The following TMEM132D variants were observed in gnomAD, a reference collection of about 807,000 sequenced individuals.
TMEM132D encodes transmembrane protein 132D, also known as mature OL transmembrane protein.
TMEM132D carries 21 observed loss-of-function variants against 62.3 expected under a neutral mutation model. The ratio of observed to expected loss-of-function variants is 0.34; its 90% CI spans 0.24 to 0.49. The LOEUF is 0.49. TMEM132D is among the 20% of genes least tolerant of loss of function. The pLI, the probability that TMEM132D is intolerant of heterozygous loss-of-function variation, is 0.99. For missense variants in TMEM132D, 1,346 were observed against 1,402.8 expected (o/e 0.96, Z 0.65); for synonymous variants, 621 against 575.6 (o/e 1.08, Z -1.13).
At chr12:129,622,228 A>T (rs1565926313) in intron 2 of TMEM132D, among the ~76,000 whole-genome samples, 1 of 151,974 alleles carries the variant, frequency 6.6e-6, no homozygotes, top group Non-Finnish European at 1.5e-5. Flanking sequence ...CACAAGCCCC[A>T]CTCGTCCACT....
At chr12:129,264,524 C>T (rs1355390752) in intron 4 of TMEM132D, among the ~76,000 whole-genome samples, 1 of 152,164 alleles carries the variant, frequency 6.6e-6, no homozygotes, top group Non-Finnish European at 1.5e-5. Context: ...CCTTAAAGAA[C>T]TAAAAGCAGA....
chr12:129,309,002 A>C (rs1342380559), intron 4 of TMEM132D, among the ~76,000 whole-genome samples: 1 of 152,218 alleles, frequency 6.6e-6, no homozygotes, highest in African/African-American at 2.4e-5. Flanking sequence ...GCAAAACGCC[A>C]AACACCCTTG....
intron 1 of TMEM132D, among the ~76,000 whole-genome samples, chr12:129,898,540 T>C (rs115168980): frequency 0.017 from 2,606 of 152,328 alleles, 81 homozygotes; most frequent in African/African-American, 0.058. Flanking sequence ...TGGGAGATTA[T>C]GTGGATCACT....
At chr12:129,278,488 T>C (rs543458659) in intron 4 of TMEM132D, among the ~76,000 whole-genome samples, 52 of 152,278 alleles carry the variant, frequency 3.4e-4, no homozygotes, top group Admixed American at 3.3e-3. Flanking sequence ...GGCTCCATCT[T>C]AACCCCCGTC....
At chr12:129,159,096 C>A (rs538989976) in intron 5 of TMEM132D, among the ~76,000 whole-genome samples, 1 of 152,290 alleles carries the variant, frequency 6.6e-6, no homozygotes, top group East Asian at 1.9e-4. Context: ...GGATACAGAG[C>A]CAAACCATAT....
chr12:129,258,309 AATT>A (rs1189250737), intron 4 of TMEM132D, among the ~76,000 whole-genome samples: 5 of 152,034 alleles, frequency 3.3e-5, no homozygotes, highest in African/African-American at 7.2e-5. Context: ...TAGCAAAGAT[AATT>A]ATTATTATTA....
rs75736257 is a variant in TMEM132D at position 129,632,967 on chromosome 12, A to T, written c.968+66843T>A. On this transcript the variant is annotated intron_variant, in intron 2 of 8. Coordinates refer to ENST00000422113, the MANE Select transcript of TMEM132D (RefSeq NM_133448.3). Reference sequence around the variant, plus strand: ...TGCCCCCTAAGTAGACAACAAGTTCATTCAGGGCCAGGACCATGTCTGATT... The same window carrying T: ...TGCCCCCTAAGTAGACAACAAGTTCTTTCAGGGCCAGGACCATGTCTGATT... Among the ~76,000 whole-genome samples the T allele has an allele frequency of 9.1e-3, 1,381 of 152,322 alleles. 23 individuals carry two copies. Among genetic ancestry groups the T allele is most frequent in the African/African-American group, 0.032 (1,317 of 41,572 alleles).
intron 3 of TMEM132D, among the ~76,000 whole-genome samples, chr12:129,505,890 C>A (rs1377580613): frequency 6.6e-6 from 1 of 152,156 alleles, no homozygotes; most frequent in Non-Finnish European, 1.5e-5. Flanking sequence ...TTTTCCACCC[C>A]TCTACCTTAA....
intron 3 of TMEM132D, among the ~76,000 whole-genome samples, chr12:129,440,793 C>T (rs1034340439): frequency 6.6e-6 from 1 of 152,176 alleles, no homozygotes; most frequent in Non-Finnish European, 1.5e-5. Flanking sequence ...TACACACAGG[C>T]TTGAAGCCTG....
chr12:129,144,397 T>G (rs142337408), intron 5 of TMEM132D, among the ~76,000 whole-genome samples: 15 of 152,318 alleles, frequency 9.8e-5, no homozygotes, highest in African/African-American at 3.6e-4. Context: ...GCAAGCATCA[T>G]AAGAACAGAG....
intron 5 of TMEM132D, among the ~76,000 whole-genome samples, chr12:129,090,841 G>A (rs1851049068): frequency 1.3e-5 from 2 of 152,152 alleles, no homozygotes; most frequent in African/African-American, 4.8e-5. Flanking sequence ...GGGGCAGAGT[G>A]GCACTGAGGT....
At chr12:129,803,105 C>G (rs1256988453) in intron 1 of TMEM132D, among the ~76,000 whole-genome samples, 1 of 151,326 alleles carries the variant, frequency 6.6e-6, no homozygotes, top group East Asian at 1.9e-4. Flanking sequence ...CTTTAACACC[C>G]CACTGTCAAC....
chr12:129,599,741 ATACAAGT>A (rs2137141604), intron 2 of TMEM132D, among the ~76,000 whole-genome samples: 1 of 152,362 alleles, frequency 6.6e-6, no homozygotes, highest in East Asian at 1.9e-4. Context: ...CCCAGTGCAT[ATACAAGT>A]TACATTTACA....
intron 3 of TMEM132D, among the ~76,000 whole-genome samples, chr12:129,447,814 T>C (rs1873149982): frequency 6.6e-6 from 1 of 152,142 alleles, no homozygotes; most frequent in South Asian, 2.1e-4. Context: ...CAGGAGACTT[T>C]GGTTCCTTGT....
intron 2 of TMEM132D, among the ~76,000 whole-genome samples, chr12:129,578,926 C>T: frequency 6.6e-6 from 1 of 152,314 alleles, no homozygotes; most frequent in East Asian, 1.9e-4. Context: ...AAAACCCACA[C>T]AGACACACCT....
At position 129,656,977 on chromosome 12, in the gene TMEM132D, T is replaced by C. The variant is rs548734133; in HGVS notation, c.968+42833A>G. Among the ~76,000 whole-genome samples the C allele has an allele frequency of 2.0e-5, 3 of 152,322 alleles. No homozygotes were observed. In the East Asian group the frequency reaches 5.8e-4, roughly 29 times the overall value. ...CAAGAAGACAGAAATCTATCTCTTTTTGAAGGGTGGATTTGTAAATATCTA... is the reference window on the plus strand; with the variant it reads ...CAAGAAGACAGAAATCTATCTCTTTCTGAAGGGTGGATTTGTAAATATCTA... On this transcript the variant is annotated intron_variant, in intron 2 of 8. Coordinates refer to ENST00000422113, the MANE Select transcript of TMEM132D (RefSeq NM_133448.3).
chr12:129,281,284 G>A (rs12315641), intron 4 of TMEM132D, among the ~76,000 whole-genome samples: 4,272 of 152,176 alleles, frequency 0.028, 187 homozygotes, highest in East Asian at 0.2. Context: ...CAGATTTATA[G>A]TCTTAACCAG....
At chr12:129,563,953 A>G (rs1593067520) in intron 2 of TMEM132D, among the ~76,000 whole-genome samples, 1 of 152,210 alleles carries the variant, frequency 6.6e-6, no homozygotes, top group African/African-American at 2.4e-5. Flanking sequence ...AATGATACAA[A>G]AGACAGAATC....
chr12:129,084,928 G>A, intron 5 of TMEM132D: 6 of 563,200 alleles, frequency 1.1e-5, no homozygotes, highest in Admixed American at 6.7e-5. Context: ...CAGGCTTCCT[G>A]GGGTCCCTGT....
Sources: allele counts gnomAD v4.1 joint callset (sites outside exome capture counted in the v4.1 genomes callset), GRCh38; gene constraint gnomAD v4.1.1; transcripts MANE v1.5; gene names NCBI Gene and HGNC (gene_info 2026-07-23, HGNC 2026-07-21).